The following DISC1 variants were observed in gnomAD, a reference collection of about 807,000 sequenced individuals.
DISC1 encodes DISC1 scaffold protein, also known as disrupted in schizophrenia 1 protein.
A neutral mutation model predicts 84.5 loss-of-function variants in DISC1; 57 were observed. The ratio of observed to expected loss-of-function variants is 0.67; its 90% CI spans 0.55 to 0.84. The LOEUF (loss-of-function observed/expected upper bound fraction) is 0.84, where lower values mean the gene tolerates loss of function less well. Ranked by LOEUF, DISC1 falls within the 40% of genes least tolerant of loss-of-function variation. DISC1 has a pLI of 0.00. For synonymous variants in DISC1, 411 were observed against 415.2 expected, an observed-to-expected ratio of 0.99 and a Z score of 0.12; for missense variants, 1,000 against 1,057.8, an observed-to-expected ratio of 0.95 and a Z score of 0.76.
intron 3 of DISC1, among the ~76,000 whole-genome samples, chr1:231,708,213 G>A (rs1227551568): frequency 1.3e-5 from 2 of 152,120 alleles, no homozygotes; most frequent in Admixed American, 6.5e-5. Flanking sequence ...ATGAGTCTGC[G>A]TGTACTAGGT....
intron 1 of DISC1, among the ~76,000 whole-genome samples, chr1:231,681,019 C>T (rs2063634714): frequency 6.6e-6 from 1 of 152,136 alleles, no homozygotes; most frequent in Admixed American, 6.5e-5. Flanking sequence ...ACAGAGGGCT[C>T]CTTCTGGTTC....
intron 11 of DISC1, among the ~76,000 whole-genome samples, chr1:232,026,085 C>CT (rs1669442056): frequency 6.6e-6 from 1 of 152,142 alleles, no homozygotes; most frequent in South Asian, 2.1e-4. Flanking sequence ...CCTCTCCCCA[C>CT]TTTTTTTAGA....
intron 12 of DISC1, among the ~76,000 whole-genome samples, chr1:232,035,376 C>T (rs1396277077): frequency 2.6e-5 from 4 of 152,110 alleles, no homozygotes; most frequent in African/African-American, 7.2e-5. Context: ...ATCCCGGAGA[C>T]GGAGGTTGCA....
At chr1:231,987,965 G>C (rs899950843) in intron 10 of DISC1, among the ~76,000 whole-genome samples, 7 of 152,114 alleles carry the variant, frequency 4.6e-5, no homozygotes, top group African/African-American at 1.4e-4. Context: ...GGAGCAGGTG[G>C]ATTTGAGGTC....
At chr1:231,658,920 G>A (rs909532913) in intron 1 of DISC1, among the ~76,000 whole-genome samples, 2 of 152,112 alleles carry the variant, frequency 1.3e-5, no homozygotes, top group Non-Finnish European at 2.9e-5. Flanking sequence ...GTTCATTAAG[G>A]ATATCGGCCT....
intron 10 of DISC1, among the ~76,000 whole-genome samples, chr1:231,976,211 A>G (rs201123625): frequency 1.5e-4 from 23 of 151,976 alleles, no homozygotes; most frequent in Non-Finnish European, 3.1e-4. Context: ...CTCCAGCATG[A>G]CTCCAGGGCC....
intron 7 of DISC1, 29 bp from the exon 8 acceptor site, chr1:231,800,079 A>G (rs371081587): frequency 1.0e-4 from 158 of 1,556,254 alleles, no homozygotes; most frequent in Middle Eastern, 5.0e-4. Flanking sequence ...TGAATAAATG[A>G]TGATTCCTGG....
At chr1:231,917,290 C>G (rs746555565) in intron 9 of DISC1, among the ~76,000 whole-genome samples, 1 of 152,180 alleles carries the variant, frequency 6.6e-6, no homozygotes, top group African/African-American at 2.4e-5. Context: ...GCATTCTCTT[C>G]TATCGAGATG....
chr1:231,856,896 A>G (rs1400939164), intron 9 of DISC1, among the ~76,000 whole-genome samples: 2 of 152,210 alleles, frequency 1.3e-5, no homozygotes, highest in Non-Finnish European at 2.9e-5. Flanking sequence ...AGGCCAAAGC[A>G]TTCATTAGGG....
intron 9 of DISC1, among the ~76,000 whole-genome samples, chr1:231,930,316 C>G (rs539834114): frequency 6.6e-6 from 1 of 152,102 alleles, no homozygotes; most frequent in Non-Finnish European, 1.5e-5. Context: ...GTGGGAGGGT[C>G]GATGGGCTTC....
At chr1:231,723,568 T>C (rs1215995235) in intron 3 of DISC1, 1 of 985,390 alleles carries the variant, frequency 1.0e-6, no homozygotes, top group African/African-American at 1.7e-5. Flanking sequence ...ACTTCTCTGA[T>C]GGCCTGTCCA....
intron 1 of DISC1, among the ~76,000 whole-genome samples, chr1:231,659,145 T>A (rs769351976): frequency 7.9e-5 from 12 of 152,110 alleles, no homozygotes; most frequent in Non-Finnish European, 1.8e-4. Context: ...TTTATTACTG[T>A]CTCAATTTCA....
intron 3 of DISC1, among the ~76,000 whole-genome samples, chr1:231,706,976 G>A (rs1481072409): frequency 6.6e-6 from 1 of 152,188 alleles, no homozygotes; most frequent in Non-Finnish European, 1.5e-5. Flanking sequence ...GAGCCTGGCA[G>A]TTAGAACCAG....
chr1:231,750,109 C>T (rs765617969), intron 4 of DISC1, 33 bp downstream of exon 4: 47 of 1,600,560 alleles, frequency 2.9e-5, no homozygotes, highest in African/African-American at 1.6e-4. Context: ...ATTTTCCCCT[C>T]ATGTTTCTTC....
Position 232,031,276 on chromosome 1 carries a change from AAAAG to A in DISC1, c.2425+4732_2425+4735del, listed in dbSNP as rs1402224028. Among the ~76,000 whole-genome samples, 112 of 145,982 alleles carry A rather than the reference AAAAG, an allele frequency of 7.7e-4. No individual in the cohort carries two copies. The highest frequency in any genetic ancestry group is 2.2e-3 in the African/African-American group (86 of 39,630). On this transcript the variant is annotated intron_variant, in intron 12 of 12. Transcript: ENST00000439617. The surrounding 1 kb of genome is among the most constrained non-coding windows in gnomAD (Gnocchi z 4.6). ...AAGGAGAAAGAAAGATAAAGAAAGA[AAAAG>A]AAAGAAAAGAGGAAGGAAGGAAGGA...
intron 9 of DISC1, chr1:231,819,089 C>T: frequency 1.0e-6 from 1 of 986,340 alleles, no homozygotes; most frequent in Non-Finnish European, 1.2e-6. Context: ...ACTGAGCTTA[C>T]TCTGAGATTT....
At chr1:231,684,910 A>T (rs2064075107) in intron 1 of DISC1, 1 of 152,212 alleles carries the variant, frequency 6.6e-6, no homozygotes, top group African/African-American at 2.4e-5. Flanking sequence ...TGGCCTGCAG[A>T]CCTGTTGGCG....
At chr1:232,002,594 A>AGC (rs1195637297) in intron 10 of DISC1, among the ~76,000 whole-genome samples, 46 of 114,310 alleles carry the variant, frequency 4.0e-4, no homozygotes, top group Admixed American at 3.6e-3. Flanking sequence ...AATTATGCTG[A>AGC]GCACACACAC....
At chr1:231,873,413 A>T (rs1237485834) in intron 9 of DISC1, among the ~76,000 whole-genome samples, 1 of 152,210 alleles carries the variant, frequency 6.6e-6, no homozygotes, top group South Asian at 2.1e-4. Context: ...GCCCCTTTCT[A>T]TGATGTCCTT....
Sources: allele counts gnomAD v4.1 joint callset (sites outside exome capture counted in the v4.1 genomes callset), GRCh38; gene constraint gnomAD v4.1.1; non-coding constraint Gnocchi (gnomAD v3.1); transcripts MANE v1.5; gene names NCBI Gene and HGNC (gene_info 2026-07-23, HGNC 2026-07-21).